The following SLC25A40 variants were observed in gnomAD, a reference collection of about 807,000 sequenced individuals.
SLC25A40 encodes mitochondrial glutathione transporter SLC25A40.
In SLC25A40, 41 loss-of-function variants were observed where a neutral mutation model predicts 46.5. The ratio of observed to expected loss-of-function variants is 0.88; its 90% CI spans 0.69 to 1.14. SLC25A40 has a LOEUF of 1.14. SLC25A40 is among the 50% of genes most tolerant of loss of function. SLC25A40 has a pLI of 0.00. For missense variants in SLC25A40, 386 were observed against 393.6 expected (o/e 0.98, Z 0.16); for synonymous variants, 126 against 127.5 (o/e 0.99, Z 0.08).
In SLC25A40 at chr7:87,846,987, C is replaced by A. The variant is rs967407165; in HGVS notation, c.593G>T (p.Gly198Val). 6.2e-7 allele frequency: 1 copy of A among 1,613,490 alleles called. No individual in the cohort carries two copies. Among genetic ancestry groups the A allele is most frequent in the South Asian group, 1.1e-5 (1 of 91,028 alleles). Residue 198 changes from glycine (G) to valine (V), a missense_variant, in exon 8 of 12, where the codon GGC becomes GTC. Coordinates refer to ENST00000341119, the MANE Select transcript of SLC25A40 (RefSeq NM_018843.4). The part of the protein sequence containing the change: ...SEDGWISLWR[G>V]WAPTVLRDVP... ...ATCTCTAAGAACAGTAGGAGCCCAG[C>A]CCCTCCAAAGGGAAATCCAACCATC... is the stretch of plus-strand genomic sequence containing the variant.
chr7:87,839,104 T>C (rs746558874), intron 10 of SLC25A40, among the ~76,000 whole-genome samples: 45 of 151,456 alleles, frequency 3.0e-4, no homozygotes, highest in Non-Finnish European at 4.3e-4. Flanking sequence ...TTTTCCAAAG[T>C]AGCTGTTCCA....
chr7:87,847,026 T>C lies in SLC25A40; in HGVS notation c.554A>G (p.Lys185Arg), dbSNP rs1343918801. Reference sequence around the variant, plus strand: ...AATCCAACCATCTTCAGATACTTTCTTGCTGACAAATCGATGCAGTTCCAC... The same window carrying C: ...AATCCAACCATCTTCAGATACTTTCCTGCTGACAAATCGATGCAGTTCCAC... ...SYVELHRFVS[K>R]KVSEDGWISL... is the part of the protein sequence containing the mutation. The change falls in exon 8 of 12, where the codon AAG becomes AGG. Residue 185 changes from lysine (K) to arginine (R), a missense_variant. Transcript: ENST00000341119. 1.9e-6 allele frequency: 3 copies of C among 1,613,754 alleles called. No homozygotes were observed. Among genetic ancestry groups the C allele is most frequent in the South Asian group, 1.1e-5 (1 of 91,070 alleles).
intron 10 of SLC25A40, among the ~76,000 whole-genome samples, chr7:87,838,572 A>G (rs1347502730): frequency 6.6e-6 from 1 of 151,574 alleles, no homozygotes; most frequent in African/African-American, 2.4e-5. Context: ...TTATTATATC[A>G]TAATACCTCT....
intron 5 of SLC25A40, among the ~76,000 whole-genome samples, chr7:87,851,937 T>C (rs779532075): frequency 9.2e-5 from 14 of 152,016 alleles, no homozygotes; most frequent in Admixed American, 5.9e-4. Flanking sequence ...AAAGAGAAAA[T>C]TTTTTTAAAA....
chr7:87,846,950 T>C lies in SLC25A40; in HGVS notation c.630A>G (p.Ser210=). The C allele has an allele frequency of 1.9e-6, 3 of 1,596,008 alleles. No individual in the cohort carries two copies. The highest frequency in any genetic ancestry group is 2.6e-6 in the Non-Finnish European group (3 of 1,172,974). ...AGCTACAAATAAGATAAATCCTACC[T>C]GAGAAAGGTACATCTCTAAGAACAG... The part of the protein sequence containing the change: ...APTVLRDVPF[S]AMYWYNYEIL... Residue 210 remains serine, a splice_region_variant and synonymous_variant, in exon 8 of 12, where the codon TCA becomes TCG. Transcript: ENST00000341119.
intron 1 of SLC25A40, among the ~76,000 whole-genome samples, chr7:87,869,356 T>C (rs920905245): frequency 3.9e-5 from 6 of 151,958 alleles, no homozygotes; most frequent in Non-Finnish European, 7.4e-5. Flanking sequence ...TGAAACTCCA[T>C]CTCTAGAAAA....
intron 10 of SLC25A40, among the ~76,000 whole-genome samples, chr7:87,839,411 T>C (rs960399823): frequency 3.2e-4 from 47 of 149,012 alleles, no homozygotes; most frequent in Admixed American, 4.0e-4. Flanking sequence ...AAAAATTAAA[T>C]ATTGCTTGAG....
Position 87,836,374 on chromosome 7 carries a change from T to C in SLC25A40, c.905-13A>G, listed in dbSNP as rs201654319. Reference sequence around the variant, plus strand: ...CGAGGAATTAGGCCTGAGAAAAGAATAGGAATAATCAAAACAAATATTTTT... The same window carrying C: ...CGAGGAATTAGGCCTGAGAAAAGAACAGGAATAATCAAAACAAATATTTTT... On this transcript the variant is annotated splice_polypyrimidine_tract_variant and intron_variant, in intron 11 of 11. Transcript: ENST00000341119. 7.6e-6 allele frequency: 11 copies of C among 1,445,204 alleles called. No homozygotes were observed. The highest frequency in any genetic ancestry group is 1.0e-5 in the Non-Finnish European group (11 of 1,081,912). 89.5% of individuals were successfully genotyped at this position (1,445,204 alleles called of 1,614,324 possible).
intron 8 of SLC25A40, among the ~76,000 whole-genome samples, chr7:87,845,250 TG>T (rs67055144): frequency 0.02 from 3,052 of 152,292 alleles, 111 homozygotes; most frequent in African/African-American, 0.07. Context: ...TGCAGATCCC[TG>T]AAGCAATTAT....
intron 4 of SLC25A40, among the ~76,000 whole-genome samples, chr7:87,855,669 G>A (rs1403032920): frequency 6.6e-6 from 1 of 152,018 alleles, no homozygotes; most frequent in African/African-American, 2.4e-5. Context: ...AAAATACCAG[G>A]GCTGTTCATT....
intron 4 of SLC25A40, among the ~76,000 whole-genome samples, chr7:87,855,524 A>G (rs1199155685): frequency 6.6e-6 from 1 of 152,232 alleles, no homozygotes; most frequent in Non-Finnish European, 1.5e-5. Flanking sequence ...GCCCAACAGT[A>G]TGTAAAAATA....
At chr7:87,864,393 G>A (rs981810744) in intron 1 of SLC25A40, among the ~76,000 whole-genome samples, 1 of 152,186 alleles carries the variant, frequency 6.6e-6, no homozygotes, top group Non-Finnish European at 1.5e-5. Context: ...ACGGATTAGT[G>A]TAAACTATAT....
chr7:87,841,692 G>T lies in SLC25A40; in HGVS notation c.764C>A (p.Pro255Gln). ...SGSFAAVATL[P>Q]FDVVKTQKQT... Reference sequence around the variant, plus strand: ...CTTTTGTGTTTTTACTACATCAAATGGTAAAGTTGCAACAGCAGCAAACTA... The same window carrying T: ...CTTTTGTGTTTTTACTACATCAAATTGTAAAGTTGCAACAGCAGCAAACTA... The change falls in exon 10 of 12, where the codon CCA becomes CAA. Residue 255 changes from proline to glutamine, a missense_variant. By Grantham distance (76) the Pro-to-Gln change is moderately conservative. Transcript: ENST00000341119. 1 of 1,523,776 alleles carries T rather than the reference G, an allele frequency of 6.6e-7. No homozygotes were observed. The highest frequency in any genetic ancestry group is 1.4e-5 in the African/African-American group (1 of 71,742). The allele number at this position is 1,523,776 out of a possible 1,614,324, so 94.4% of individuals were successfully genotyped here. A position where few individuals can be genotyped will look rare whatever the true frequency, so the allele number is the denominator to read the frequency against.
rs1042926461 is a variant in SLC25A40, at chr7:87,848,621, T to C, written c.333-644A>G. On this transcript the variant is annotated intron_variant, in intron 6 of 11. Transcript: ENST00000341119. The stretch of plus-strand genomic sequence containing the variant: ...CCTGCTTATAACTAGACATAAATTA[T>C]AATTAACATCATCAGAATTACATAC... Among the ~76,000 whole-genome samples, 4 of 152,186 alleles carry C rather than the reference T, an allele frequency of 2.6e-5. 1 individual carries two copies. The highest frequency in any genetic ancestry group is 4.1e-4 in the South Asian group (2 of 4,828).
rs566839343 is a variant in SLC25A40, at chr7:87,872,196, T to C, written c.-94+3900A>G. Among the ~76,000 whole-genome samples, 3 of 152,352 alleles carry C rather than the reference T, an allele frequency of 2.0e-5. No homozygotes were observed. The East Asian group carries it at 5.8e-4, about 29-fold the overall frequency. On this transcript the variant is annotated intron_variant, in intron 1 of 11. Transcript: ENST00000341119. ...TTACTTTTGTGGGTTTGACAAACTC[T>C]TTTCCAAAACTTACATGGAAGTAGA...
At chr7:87,858,562 T>C (rs1455247663) in intron 3 of SLC25A40, 69 bp downstream of exon 3, 16 of 846,328 alleles carry the variant, frequency 1.9e-5, no homozygotes, top group Non-Finnish European at 3.0e-5. Flanking sequence ...GAAATACTGA[T>C]ACTAAAACTC....
chr7:87,850,938 C>T (rs1280461289), intron 5 of SLC25A40, among the ~76,000 whole-genome samples: 5 of 152,032 alleles, frequency 3.3e-5, no homozygotes, highest in African/African-American at 1.2e-4. Flanking sequence ...GAAATTGGAA[C>T]CCTTAGATAC....
chr7:87,855,689 C>T (rs1838601853), intron 4 of SLC25A40, among the ~76,000 whole-genome samples: 1 of 152,140 alleles, frequency 6.6e-6, no homozygotes, highest in Admixed American at 6.5e-5. Context: ...TCCATCTCAC[C>T]ACTCTGAATT....
At chr7:87,858,777 G>A in intron 2 of SLC25A40, 26 bp from the exon 3 acceptor site, 1 of 1,246,772 alleles carries the variant, frequency 8.0e-7, no homozygotes, top group Non-Finnish European at 1.2e-6. Context: ...CATAAAATTA[G>A]AGCACATCCT....
Sources: gnomAD v4.1 joint callset for allele counts (sites outside exome capture counted in the v4.1 genomes callset) on GRCh38, gnomAD v4.1.1 for gene constraint, MANE v1.5 for transcripts, NCBI Gene and HGNC (gene_info 2026-07-23, HGNC 2026-07-21) for gene names.